Variants in UBASH3A observed in about 807,000 individuals in gnomAD.
UBASH3A encodes ubiquitin-associated and SH3 domain-containing protein A.
In UBASH3A, 63 loss-of-function variants were observed where a neutral mutation model predicts 73.5. That is an observed-to-expected ratio of 0.86 (90% confidence interval 0.70 to 1.06). UBASH3A has a LOEUF of 1.06. UBASH3A is among the 50% of genes least tolerant of loss of function. UBASH3A has a pLI of 0.00. For missense variants in UBASH3A, 860 were observed against 859.0 expected (o/e 1.00, Z -0.02); for synonymous variants, 363 against 351.1 (o/e 1.03, Z -0.38).
At position 42,413,272 on chromosome 21, in the gene UBASH3A, G is replaced by A; in HGVS notation, c.553+50G>A. The A allele has an allele frequency of 6.2e-7, 1 of 1,600,722 alleles. No homozygotes were observed. The highest frequency in any genetic ancestry group is 1.1e-5 in the South Asian group (1 of 90,748). ...ACACAGGGCTGGATTCACAGTGAGTGAGCCCTCTGTGGCAGGGACTAGCCC... is the reference window on the plus strand; with the variant it reads ...ACACAGGGCTGGATTCACAGTGAGTAAGCCCTCTGTGGCAGGGACTAGCCC... On this transcript the variant is annotated intron_variant, in intron 4 of 14. Coordinates refer to ENST00000319294, the MANE Select transcript of UBASH3A (RefSeq NM_018961.4). This position sits in a 1 kb window ranked among gnomAD's most constrained non-coding sequence, Gnocchi z 4.5.
intron 13 of UBASH3A, 69 bp from the exon 14 acceptor site, chr21:42,444,465 G>A: frequency 8.3e-7 from 1 of 1,208,052 alleles, no homozygotes; most frequent in Non-Finnish European, 1.2e-6. Flanking sequence ...CACCACTTTG[G>A]GGACCCCAGT....
chr21:42,415,518 C>A (rs2053183691), intron 5 of UBASH3A, among the ~76,000 whole-genome samples: 1 of 152,148 alleles, frequency 6.6e-6, no homozygotes, highest in African/African-American at 2.4e-5. Context: ...CAACCTTGAC[C>A]TTTTTTAGGG....
rs1415351430 is a variant in UBASH3A, at chr21:42,412,944, G to A, written c.355-80G>A. On this transcript the variant is annotated intron_variant, in intron 3 of 14. Transcript: ENST00000319294. ...AGAAAAGAATCTCACTTTAATTGCT[G>A]CCTGATTGTTATTAATTAAATTAAT... 2.5e-6 allele frequency: 3 copies of A among 1,181,254 alleles called. No individual in the cohort carries two copies. In the African/African-American group the frequency reaches 4.6e-5, roughly 18 times the overall value. The allele number at this position is 1,181,254 out of a possible 1,614,324, so 73.2% of individuals were successfully genotyped here. A position where few individuals can be genotyped will look rare whatever the true frequency, so the allele number is the denominator to read the frequency against.
Position 42,413,425 on chromosome 21 carries a change from G to A in UBASH3A, c.569G>A (p.Arg190His), listed in dbSNP as rs761423276. Residue 190 changes from arginine (R) to histidine (H), a missense_variant, in exon 5 of 15, where the codon CGC (arginine) becomes CAC (histidine). By Grantham distance (29) the Arg-to-His change is conservative. Coordinates refer to ENST00000319294, the MANE Select transcript of UBASH3A (RefSeq NM_018961.4). The surrounding 1 kb of genome is among the most constrained non-coding windows in gnomAD (Gnocchi z 4.5). Reference protein sequence around the residue: ...ASLLAGTSVSRFWIFSQVPGH... With the variant: ...ASLLAGTSVSHFWIFSQVPGH... The stretch of plus-strand genomic sequence containing the variant: ...CCTCACCCAGGCACTTCCGTTTCCC[G>A]CTTCTGGATTTTCAGCCAGGTGCCT... The A allele has an allele frequency of 9.3e-6, 15 of 1,613,524 alleles. No homozygotes were observed. Among genetic ancestry groups the A allele is most frequent in the African/African-American group, 2.7e-5 (2 of 74,870 alleles).
chr21:42,404,281 T>G (rs1207423568), intron 1 of UBASH3A: 8 of 361,758 alleles, frequency 2.2e-5, no homozygotes, highest in Non-Finnish European at 3.9e-5. Flanking sequence ...CAGGACAGCT[T>G]TGGGCTTAAG....
At chr21:42,440,032 C>A (rs531915518) in intron 11 of UBASH3A, among the ~76,000 whole-genome samples, 108 of 150,724 alleles carry the variant, frequency 7.2e-4, no homozygotes, top group African/African-American at 2.4e-3. Context: ...CACACACACA[C>A]CACACACACC....
intron 10 of UBASH3A, among the ~76,000 whole-genome samples, chr21:42,436,909 C>T (rs2053635523): frequency 6.6e-6 from 1 of 152,226 alleles, no homozygotes; most frequent in Non-Finnish European, 1.5e-5. Context: ...CCCAGGCCCA[C>T]GAGGCTGCTT....
At chr21:42,433,952 G>T (rs1249038563) in intron 9 of UBASH3A, among the ~76,000 whole-genome samples, 2 of 152,178 alleles carry the variant, frequency 1.3e-5, no homozygotes, top group Admixed American at 6.5e-5. Flanking sequence ...CAGTGTGGCT[G>T]CTGGAACCTC....
Position 42,416,626 on chromosome 21 carries a change from C to G in UBASH3A, c.837+15C>G, listed in dbSNP as rs1283228534. 6.5e-7 allele frequency: 1 copy of G among 1,534,290 alleles called. No homozygotes were observed. Among genetic ancestry groups the G allele is most frequent in the Non-Finnish European group, 8.8e-7 (1 of 1,138,024 alleles). ...TGCACTACCAGGTGAGAGAGCTGAG[C>G]AGGGGCTCATAAGAAGCAGATGAAT... is the stretch of plus-strand genomic sequence containing the variant. On this transcript the variant is annotated intron_variant, in intron 6 of 14. Transcript: ENST00000319294.
chr21:42,444,494 T>C, intron 13 of UBASH3A, 40 bp from the exon 14 acceptor site: 1 of 1,504,876 alleles, frequency 6.6e-7, no homozygotes, highest in East Asian at 2.3e-5. Context: ...AGGTGCTCTC[T>C]GGGGCTGCTT....
At position 42,432,463 on chromosome 21, in the gene UBASH3A, G is replaced by A. The variant is rs183928335; in HGVS notation, c.1270+261G>A. On this transcript the variant is annotated intron_variant, in intron 9 of 14. Coordinates refer to ENST00000319294, the MANE Select transcript of UBASH3A (RefSeq NM_018961.4). ...TTTTTGGCTATGCTGCTTAACAGAT[G>A]GACGTATTCTTGAACATGCCTCTTG... Among the ~76,000 whole-genome samples the A allele has an allele frequency of 2.0e-5, 3 of 152,248 alleles. No homozygotes were observed. In the East Asian group the frequency reaches 5.8e-4, roughly 29 times the overall value.
At position 42,447,197 on chromosome 21, in the gene UBASH3A, G is replaced by T; in HGVS notation, c.*3G>T. ...GGAACTGGATCTCAGGCAACTGAGA[G>T]CCACGGTGATGTTGTCATAACCTCA... On this transcript the variant is annotated 3_prime_UTR_variant, in exon 15 of 15. Coordinates refer to ENST00000319294, the MANE Select transcript of UBASH3A (RefSeq NM_018961.4). The T allele has an allele frequency of 6.2e-7, 1 of 1,613,536 alleles. No homozygotes were observed. Among genetic ancestry groups the T allele is most frequent in the Non-Finnish European group, 8.5e-7 (1 of 1,179,754 alleles).
chr21:42,412,851 A>G (rs1260497950), intron 3 of UBASH3A, among the ~76,000 whole-genome samples, 173 bp from the exon 4 acceptor site: 1 of 152,250 alleles, frequency 6.6e-6, no homozygotes, highest in Non-Finnish European at 1.5e-5. Flanking sequence ...ACCGAGGTCC[A>G]GGTATAGAAC....
Position 42,430,482 on chromosome 21 carries a change from C to T in UBASH3A, c.1171-1621C>T, listed in dbSNP as rs2053508663. ...TAGGAAAACACACACAAGAGCTGCC[C>T]TCTCATTTTAGCCCAGAGAGAGCTG... is the stretch of plus-strand genomic sequence containing the variant. On this transcript the variant is annotated intron_variant, in intron 8 of 14. Transcript: ENST00000319294. 2.0e-5 allele frequency among the ~76,000 whole-genome samples: 3 copies of T among 152,306 alleles called. No homozygotes were observed. In the South Asian group the frequency reaches 6.2e-4, roughly 32 times the overall value.
rs775258006 is a variant in UBASH3A, at chr21:42,413,165, G to C, written c.496G>C (p.Ala166Pro). The C allele has an allele frequency of 1.2e-6, 2 of 1,614,186 alleles. No individual in the cohort carries two copies. Among genetic ancestry groups the C allele is most frequent in the East Asian group, 4.5e-5 (2 of 44,890 alleles). The change falls in exon 4 of 15, where the codon GCA (alanine) becomes CCA (proline). Residue 166 changes from alanine to proline, a missense_variant. Physicochemically the swap from Ala to Pro is conservative, Grantham distance 27. Coordinates refer to ENST00000319294, the MANE Select transcript of UBASH3A (RefSeq NM_018961.4). The surrounding 1 kb of genome is among the most constrained non-coding windows in gnomAD (Gnocchi z 4.5). ...YLGFFVSGSPADVIREFAMTF... is the reference protein window; with the variant it reads ...YLGFFVSGSPPDVIREFAMTF... ...CGGCTTCTTCGTCAGTGGCAGCCCC[G>C]CAGACGTCATCCGGGAATTCGCCAT...
intron 8 of UBASH3A, among the ~76,000 whole-genome samples, chr21:42,427,780 C>T (rs528225947): frequency 3.3e-5 from 5 of 152,238 alleles, no homozygotes; most frequent in Middle Eastern, 3.4e-3. Flanking sequence ...TTCCCTAGTC[C>T]CCAGGGCCCA....
chr21:42,421,163 A>G (rs140944125), intron 7 of UBASH3A, among the ~76,000 whole-genome samples: 50 of 152,386 alleles, frequency 3.3e-4, no homozygotes, highest in East Asian at 9.6e-4. Context: ...GAGCAGGCAG[A>G]GGTCAGAGTA....
chr21:42,423,879 G>A (rs1357839985), intron 7 of UBASH3A, among the ~76,000 whole-genome samples: 1 of 152,126 alleles, frequency 6.6e-6, no homozygotes, highest in Non-Finnish European at 1.5e-5. Flanking sequence ...GGCTGGGGGA[G>A]CATCAAGACA....
At chr21:42,412,273 G>A (rs745952398) in intron 3 of UBASH3A, among the ~76,000 whole-genome samples, 2 of 152,180 alleles carry the variant, frequency 1.3e-5, no homozygotes, top group Non-Finnish European at 2.9e-5. Flanking sequence ...CGGGCTCCGT[G>A]GGCCTGAGGG....
Sources: allele counts gnomAD v4.1 joint callset (sites outside exome capture counted in the v4.1 genomes callset), GRCh38; gene constraint gnomAD v4.1.1; non-coding constraint Gnocchi (gnomAD v3.1); transcripts MANE v1.5; gene names NCBI Gene and HGNC (gene_info 2026-07-23, HGNC 2026-07-21).